HEATR4: variants seen among roughly 807,000 people sequenced by gnomAD.
HEATR4 encodes the protein HEAT repeat containing 4, also known as HEAT repeat-containing protein 4.
Under a neutral mutation model 108.8 loss-of-function variants are expected in HEATR4, and 95 were observed. That is an observed-to-expected ratio of 0.87 (90% CI 0.74 to 1.04). The LOEUF is 1.04. Ranked by LOEUF, HEATR4 falls within the 50% of genes least tolerant of loss-of-function variation. The pLI, the probability that HEATR4 is intolerant of heterozygous loss-of-function variation, is 0.00. For synonymous variants in HEATR4, 443 were observed against 459.4 expected (o/e 0.96, Z 0.46); for missense variants, 1,152 against 1,253.8 (o/e 0.92, Z 1.23).
chr14:73,626,247 C>T, the HEATR4 span, among the ~76,000 whole-genome samples: 1 of 152,124 alleles, frequency 6.6e-6, no homozygotes, highest in Non-Finnish European at 1.5e-5. Flanking sequence ...TATACAACAA[C>T]GCTAATAATA....
chr14:73,628,768 A>AG, the HEATR4 span, among the ~76,000 whole-genome samples: 1 of 150,434 alleles, frequency 6.6e-6, no homozygotes, highest in Non-Finnish European at 1.5e-5. Flanking sequence ...AAAAAAAAAA[A>AG]TTTGCCACAG....
intron 5 of HEATR4, among the ~76,000 whole-genome samples, chr14:73,515,467 G>A (rs1419350394): frequency 2.0e-5 from 3 of 151,834 alleles, no homozygotes; most frequent in Non-Finnish European, 4.4e-5. Flanking sequence ...ATCACTTGAG[G>A]TCACAAGTTC....
Position 73,492,506 on chromosome 14 carries a change from G to A in HEATR4, c.2844+560C>T, listed in dbSNP as rs1189993824. The A allele has an allele frequency of 1.4e-5, 23 of 1,613,662 alleles. No homozygotes were observed. The highest frequency in any genetic ancestry group is 1.9e-5 in the Non-Finnish European group (23 of 1,179,734). On this transcript the variant is annotated intron_variant, in intron 17 of 17. Coordinates refer to ENST00000553558, the MANE Select transcript of HEATR4 (RefSeq NM_001220484.1). The surrounding 1 kb of genome is among the most constrained non-coding windows in gnomAD (Gnocchi z 4.9). ...GGGACACTTTGCTCCTGTTGATGCT[G>A]TGGCCGACCAGCGAGCCAAAGACTT... is the stretch of plus-strand genomic sequence containing the variant.
the HEATR4 span, chr14:73,612,619 C>T: frequency 2.1e-6 from 3 of 1,414,020 alleles, no homozygotes; most frequent in African/African-American, 1.5e-5. Flanking sequence ...GCTGCTGGGA[C>T]GAGCCGCTGC....
chr14:73,610,853 C>T, the HEATR4 span: 9 of 152,170 alleles, frequency 5.9e-5, no homozygotes, highest in Admixed American at 1.3e-4. Flanking sequence ...CCAGCCCCTC[C>T]CTACAAACAG....
intron 6 of HEATR4, among the ~76,000 whole-genome samples, chr14:73,513,757 A>AAAAAG (rs56329939): frequency 7.1e-6 from 1 of 140,746 alleles, no homozygotes; most frequent in Admixed American, 7.0e-5. Flanking sequence ...AAAAAAAAAA[A>AAAAAG]TGGTCTCTGC....
chr14:73,617,061 C>G, the HEATR4 span: 1 of 1,338,452 alleles, frequency 7.5e-7, no homozygotes, highest in South Asian at 1.2e-5. Flanking sequence ...CAGGGCCAGC[C>G]TCCTGGCCGG....
chr14:73,523,075 G>A lies in HEATR4; in HGVS notation c.78C>T (p.Gly26=). 1.2e-6 allele frequency: 2 copies of A among 1,613,278 alleles called. No homozygotes were observed. Among genetic ancestry groups the A allele is most frequent in the Non-Finnish European group, 1.7e-6 (2 of 1,179,980 alleles). The change falls in exon 3 of 18, where the codon GGC becomes GGT. Residue 26 remains glycine, a synonymous_variant. Coordinates refer to ENST00000553558, the MANE Select transcript of HEATR4 (RefSeq NM_001220484.1). ...YQSLPPRLGW[G]MILNYSKLKG... ...TCAATTTTGAGTAGTTTAAAATCAT[G>A]CCCCATCCCAGTCGTGGGGGCAGTG...
At chr14:73,590,788 G>A in the HEATR4 span, among the ~76,000 whole-genome samples, 2 of 151,830 alleles carry the variant, frequency 1.3e-5, no homozygotes, top group Admixed American at 1.3e-4. Flanking sequence ...AGCCCCGCGG[G>A]CAGCCCCGGT....
At chr14:73,597,650 A>G in the HEATR4 span, among the ~76,000 whole-genome samples, 2 of 135,082 alleles carry the variant, frequency 1.5e-5, no homozygotes, top group African/African-American at 2.8e-5. Flanking sequence ...CTGGAGTGCA[A>G]TAGCACAATC....
rs1887302457 is a variant in HEATR4 at position 73,512,069 on chromosome 14, T to C, written c.1495A>G (p.Ile499Val). ...AAAGCAGCTGTGGCACATGTGGTGATAGCTTTGATCCGAACGTCATCATGC... is the reference window on the plus strand; with the variant it reads ...AAAGCAGCTGTGGCACATGTGGTGACAGCTTTGATCCGAACGTCATCATGC... Reference protein sequence around the residue: ...DLHDDVRIKAITTCATAALER... With the variant: ...DLHDDVRIKAVTTCATAALER... Residue 499 changes from isoleucine (I) to valine (V), a missense_variant, in exon 7 of 18, where the codon ATC becomes GTC. Transcript: ENST00000553558. 2 of 1,614,034 alleles carry C rather than the reference T, an allele frequency of 1.2e-6. No homozygotes were observed. Among genetic ancestry groups the C allele is most frequent in the Non-Finnish European group, 1.7e-6 (2 of 1,180,024 alleles).
intron 17 of HEATR4, among the ~76,000 whole-genome samples, chr14:73,488,996 G>T (rs923954056): frequency 5.3e-5 from 8 of 151,988 alleles, no homozygotes; most frequent in African/African-American, 1.9e-4. Flanking sequence ...CAACACAGAG[G>T]TTGGGGTAAC....
At chr14:73,511,841 T>G (rs1887286402) in intron 7 of HEATR4, among the ~76,000 whole-genome samples, 165 bp downstream of exon 7, 1 of 152,238 alleles carries the variant, frequency 6.6e-6, no homozygotes, top group Non-Finnish European at 1.5e-5. Context: ...GGAATTTTAA[T>G]CTCGTCTCTA....
rs1339835144 is a variant in HEATR4 at position 73,534,774 on chromosome 14, GT to G, written c.-151-4531del. 2.8e-5 allele frequency among the ~76,000 whole-genome samples: 3 copies of G among 106,112 alleles called. 1 individual carries two copies. Among genetic ancestry groups the G allele is most frequent in the African/African-American group, 9.1e-5 (3 of 32,866 alleles). 69.6% of individuals were successfully genotyped at this position (106,112 alleles called of 152,430 possible). A position where few individuals can be genotyped will look rare whatever the true frequency, so the allele number is the denominator to read the frequency against. On this transcript the variant is annotated intron_variant, in intron 1 of 17. Coordinates refer to ENST00000553558, the MANE Select transcript of HEATR4 (RefSeq NM_001220484.1). ...AACAGTTTGAAATAGTTAGATGTGT[GT>G]TTTTTTTAATTTTCATGTCTTATCT... is the stretch of plus-strand genomic sequence containing the variant.
chr14:73,484,386 T>G (rs1168702814), intron 17 of HEATR4, among the ~76,000 whole-genome samples: 2 of 152,090 alleles, frequency 1.3e-5, no homozygotes, highest in African/African-American at 4.8e-5. Context: ...TTTGTTTGTT[T>G]GTTTGTCATT....
intron 2 of HEATR4, among the ~76,000 whole-genome samples, chr14:73,525,813 C>T (rs965692458): frequency 1.3e-5 from 2 of 152,030 alleles, no homozygotes; most frequent in African/African-American, 4.8e-5. Flanking sequence ...ATTAGCTGGG[C>T]GTGGTGGTGG....
chr14:73,622,932 A>G, the HEATR4 span, among the ~76,000 whole-genome samples: 395 of 151,864 alleles, frequency 2.6e-3, 3 homozygotes, highest in African/African-American at 8.4e-3. Flanking sequence ...TTTTTGAGAC[A>G]GAGTTTTGCT....
chr14:73,548,481 G>A (rs140057482), intron 1 of HEATR4, among the ~76,000 whole-genome samples: 2 of 114,760 alleles, frequency 1.7e-5, no homozygotes, highest in Admixed American at 1.0e-4. Context: ...GTGGCTAGAG[G>A]TGTCTGGTCC....
At chr14:73,633,369 T>C in the HEATR4 span, among the ~76,000 whole-genome samples, 1 of 152,142 alleles carries the variant, frequency 6.6e-6, no homozygotes, top group African/African-American at 2.4e-5. Context: ...ATCCCCTATG[T>C]CCCCGCTGGG....
Sources: allele counts gnomAD v4.1 joint callset (sites outside exome capture counted in the v4.1 genomes callset), GRCh38; gene constraint gnomAD v4.1.1; non-coding constraint Gnocchi (gnomAD v3.1); transcripts MANE v1.5; gene names NCBI Gene and HGNC (gene_info 2026-07-23, HGNC 2026-07-21).